DYM: variants seen among roughly 807,000 people sequenced by gnomAD.
DYM encodes dyggve-Melchior-Clausen syndrome protein.
In DYM, 78 loss-of-function variants were observed where a neutral mutation model predicts 93.1. The observed-to-expected ratio is 0.84, with a 90% CI of 0.70 to 1.01. The LOEUF is 1.01. Among genes scored for constraint, DYM ranks in the 50% least tolerant of loss-of-function variants. The pLI, the probability that DYM is intolerant of heterozygous loss-of-function variation, is 0.00. For synonymous variants in DYM, 321 were observed against 319.7 expected, an observed-to-expected ratio of 1.00 and a Z score of -0.04; for missense variants, 789 against 845.0, an observed-to-expected ratio of 0.93 and a Z score of 0.82.
chr18:49,249,024 G>A (rs761884921), intron 13 of DYM, among the ~76,000 whole-genome samples: 10 of 152,166 alleles, frequency 6.6e-5, no homozygotes, highest in South Asian at 2.1e-4. Context: ...CCAAGGGCAC[G>A]GCTACCTTAG....
At chr18:49,250,849 C>T (rs1401463093) in intron 13 of DYM, among the ~76,000 whole-genome samples, 1 of 152,194 alleles carries the variant, frequency 6.6e-6, no homozygotes, top group Non-Finnish European at 1.5e-5. Context: ...TTCAGTAAAG[C>T]AGAAGCAGTG....
chr18:49,176,594 T>G (rs2089408058), intron 14 of DYM, among the ~76,000 whole-genome samples: 1 of 146,842 alleles, frequency 6.8e-6, no homozygotes, highest in African/African-American at 2.6e-5. Flanking sequence ...TTTTTTTTTT[T>G]TGCAGAGATG....
intron 2 of DYM, among the ~76,000 whole-genome samples, chr18:49,427,395 T>C (rs768383119): frequency 1.3e-5 from 2 of 152,108 alleles, no homozygotes; most frequent in African/African-American, 2.4e-5. Context: ...TATTCTACAT[T>C]AGAAGACATT....
Position 49,327,783 on chromosome 18 carries a change from A to G in DYM, c.763+4081T>C, listed in dbSNP as rs2063006355. Among the ~76,000 whole-genome samples the G allele has an allele frequency of 2.0e-5, 3 of 152,224 alleles. No individual in the cohort carries two copies. The South Asian group carries it at 6.2e-4, about 31-fold the overall frequency. On this transcript the variant is annotated intron_variant, in intron 8 of 17. Coordinates refer to ENST00000675505, the MANE Select transcript of DYM (RefSeq NM_001353214.3). ...GCAAACAGAAGGCATTCAGCAAATG[A>G]CAGACATCATTCTTACAACTGAGTT...
intron 17 of DYM, among the ~76,000 whole-genome samples, chr18:49,067,049 T>C (rs1470207580): frequency 1.3e-5 from 2 of 150,854 alleles, no homozygotes; most frequent in Non-Finnish European, 3.0e-5. Context: ...AGAAGCAGCA[T>C]ATACTAAACA....
At chr18:49,150,240 A>G (rs1164849707) in intron 15 of DYM, among the ~76,000 whole-genome samples, 1 of 152,208 alleles carries the variant, frequency 6.6e-6, no homozygotes, top group Non-Finnish European at 1.5e-5. Flanking sequence ...ATCATATCTG[A>G]TTATTAAAGG....
chr18:49,263,101 T>C (rs1017001509), intron 11 of DYM, among the ~76,000 whole-genome samples: 1 of 152,080 alleles, frequency 6.6e-6, no homozygotes, highest in African/African-American at 2.4e-5. Flanking sequence ...GGAAGCAGAA[T>C]TGCCAAATCA....
intron 17 of DYM, among the ~76,000 whole-genome samples, chr18:49,074,706 T>C (rs1423439981): frequency 6.6e-6 from 1 of 152,218 alleles, no homozygotes; most frequent in Non-Finnish European, 1.5e-5. Flanking sequence ...GAGCTACAAA[T>C]GACTACCGAG....
At chr18:49,163,990 A>C (rs1005744877) in intron 14 of DYM, among the ~76,000 whole-genome samples, 5 of 152,168 alleles carry the variant, frequency 3.3e-5, no homozygotes, top group Non-Finnish European at 7.3e-5. Context: ...AAATCATAAG[A>C]ATTCTAAAAA....
At chr18:49,352,697 T>C (rs930216233) in intron 6 of DYM, among the ~76,000 whole-genome samples, 1 of 152,204 alleles carries the variant, frequency 6.6e-6, no homozygotes, top group Admixed American at 6.5e-5. Context: ...TCAATAAACC[T>C]AACTTTTAAA....
intron 2 of DYM, among the ~76,000 whole-genome samples, chr18:49,400,132 C>T (rs1272650147): frequency 6.6e-6 from 1 of 151,368 alleles, no homozygotes; most frequent in East Asian, 1.9e-4. Context: ...GTAGAGACGA[C>T]GTTTCACCAT....
rs546789912 is a variant in DYM, at chr18:49,037,374, T to C, written c.*6681A>G. Among the ~76,000 whole-genome samples the C allele has an allele frequency of 3.9e-5, 6 of 152,252 alleles. No individual in the cohort carries two copies. Among genetic ancestry groups the C allele is most frequent in the African/African-American group, 1.4e-4 (6 of 41,538 alleles). On this transcript the variant is annotated 3_prime_UTR_variant, in exon 18 of 18. Coordinates refer to ENST00000675505, the MANE Select transcript of DYM (RefSeq NM_001353214.3). ...TCTAACATAAACATTTAAATATATA[T>C]GTGTGTGTATATATATATATGAACA...
intron 14 of DYM, among the ~76,000 whole-genome samples, chr18:49,198,671 CA>C (rs943438931): frequency 4.6e-5 from 7 of 150,986 alleles, no homozygotes; most frequent in African/African-American, 1.7e-4. Context: ...ATCAAAACCA[CA>C]ATGAGATACC....
At chr18:49,229,738 A>G (rs1298336475) in intron 13 of DYM, among the ~76,000 whole-genome samples, 1 of 152,160 alleles carries the variant, frequency 6.6e-6, no homozygotes, top group East Asian at 1.9e-4. Flanking sequence ...ATACAATTAC[A>G]TATGCCCAAG....
chr18:49,429,654 G>C (rs1490501466), intron 2 of DYM, among the ~76,000 whole-genome samples: 2 of 152,162 alleles, frequency 1.3e-5, no homozygotes, highest in Non-Finnish European at 2.9e-5. Context: ...ATTTGGCATA[G>C]CTACCAAATT....
At chr18:49,140,509 T>C (rs185603498) in intron 15 of DYM, among the ~76,000 whole-genome samples, 5 of 152,334 alleles carry the variant, frequency 3.3e-5, no homozygotes, top group East Asian at 1.9e-4. Context: ...ACTTTGACTT[T>C]AGTATTTTTC....
At chr18:49,370,254 G>A (rs1478347618) in intron 5 of DYM, among the ~76,000 whole-genome samples, 2 of 147,904 alleles carry the variant, frequency 1.4e-5, no homozygotes, top group Non-Finnish European at 1.5e-5. Context: ...CTTCAGCCTC[G>A]GAAACAAGAG....
At chr18:49,298,736 A>T (rs2060716478) in intron 8 of DYM, among the ~76,000 whole-genome samples, 1 of 152,204 alleles carries the variant, frequency 6.6e-6, no homozygotes, top group Admixed American at 6.5e-5. Context: ...TATTTCAGTA[A>T]TTATGAAGAT....
chr18:49,156,023 A>T (rs372313904), intron 15 of DYM, among the ~76,000 whole-genome samples: 3 of 152,334 alleles, frequency 2.0e-5, no homozygotes, highest in South Asian at 2.1e-4. Context: ...GTACATGAGG[A>T]TTCTAATTTC....
Sources: allele counts gnomAD v4.1 joint callset (sites outside exome capture counted in the v4.1 genomes callset), GRCh38; gene constraint gnomAD v4.1.1; transcripts MANE v1.5; gene names NCBI Gene and HGNC (gene_info 2026-07-23, HGNC 2026-07-21).